Variants in PLD5 observed in about 807,000 individuals in gnomAD.
PLD5 encodes phospholipase D family member 5.
A neutral mutation model predicts 61.1 loss-of-function variants in PLD5; 36 were observed. That is an observed-to-expected ratio of 0.59 (90% confidence interval 0.45 to 0.78). The LOEUF (loss-of-function observed/expected upper bound fraction) is 0.78. PLD5 is among the 30% of genes least tolerant of loss of function. PLD5 has a pLI of 0.00. For synonymous variants in PLD5, 243 were observed against 242.8 expected (o/e 1.00, Z -0.01); for missense variants, 515 against 644.4 (o/e 0.80, Z 2.17).
intron 5 of PLD5, among the ~76,000 whole-genome samples, chr1:242,127,931 T>A (rs1345171960): frequency 6.6e-6 from 1 of 152,290 alleles, no homozygotes; most frequent in South Asian, 2.1e-4. Flanking sequence ...GTGGCCATAG[T>A]TCACTTTTAC....
At chr1:242,526,301 G>A (rs1020975742), upstream of PLD5, among the ~76,000 whole-genome samples, 8 of 152,240 alleles carry the variant, frequency 5.3e-5, no homozygotes, top group East Asian at 1.9e-4. Flanking sequence ...CGGGAGGATC[G>A]CTGAAGCCTG....
chr1:242,347,043 A>G (rs1322465988), intron 2 of PLD5, among the ~76,000 whole-genome samples: 2 of 152,242 alleles, frequency 1.3e-5, no homozygotes, highest in South Asian at 4.1e-4. Flanking sequence ...TGAAGGAAGA[A>G]AATCTAAAAT....
intron 1 of PLD5, among the ~76,000 whole-genome samples, chr1:242,394,499 T>G (rs1185192729): frequency 1.2e-5 from 1 of 84,352 alleles, no homozygotes; most frequent in Admixed American, 1.5e-4. Context: ...AACATATATA[T>G]GTGTATATAT....
At chr1:242,225,601 A>T (rs1467408705) in intron 4 of PLD5, among the ~76,000 whole-genome samples, 1 of 148,652 alleles carries the variant, frequency 6.7e-6, no homozygotes. Flanking sequence ...TCATGCTGTC[A>T]TGTGGAACAG....
intron 5 of PLD5, among the ~76,000 whole-genome samples, chr1:242,166,872 T>G (rs1666340864): frequency 1.3e-5 from 2 of 152,098 alleles, no homozygotes; most frequent in Admixed American, 1.3e-4. Context: ...AGTGATATAT[T>G]TTATGAGCCA....
intron 6 of PLD5, among the ~76,000 whole-genome samples, chr1:242,117,029 T>C (rs943015834): frequency 1.3e-5 from 2 of 152,192 alleles, no homozygotes; most frequent in Admixed American, 1.3e-4. Context: ...CTAGTGCTGC[T>C]TTCAGGGATG....
intron 5 of PLD5, among the ~76,000 whole-genome samples, chr1:242,127,048 A>G (rs1662845827): frequency 6.6e-6 from 1 of 152,362 alleles, no homozygotes; most frequent in Non-Finnish European, 1.5e-5. Flanking sequence ...AAACATATGA[A>G]AGAGTGCTCA....
intron 5 of PLD5, among the ~76,000 whole-genome samples, chr1:242,187,600 C>G (rs1667988385): frequency 6.6e-6 from 1 of 152,090 alleles, no homozygotes; most frequent in Non-Finnish European, 1.5e-5. Context: ...ATATTTAATG[C>G]CTGCATCATG....
Position 242,207,884 on chromosome 1 carries a change from A to ATACATATT in PLD5, c.735+12103_735+12104insAATATGTA. 7.0e-5 allele frequency among the ~76,000 whole-genome samples: 2 copies of ATACATATT among 28,610 alleles called. 1 individual carries two copies. Among genetic ancestry groups the ATACATATT allele is most frequent in the South Asian group, 2.4e-3 (2 of 824 alleles). The allele number at this position is 28,610 out of a possible 152,430, so 18.8% of individuals were successfully genotyped here. On this transcript the variant is annotated intron_variant, in intron 5 of 9. Coordinates refer to ENST00000536534, the MANE Select transcript of PLD5 (RefSeq NM_001372062.1). ...TTTATATATTTATATATATTTATAT[A>ATACATATT]TTTATATATATTTATATATTTATAT...
chr1:242,442,119 G>C (rs1666302935), intron 1 of PLD5, among the ~76,000 whole-genome samples: 1 of 152,186 alleles, frequency 6.6e-6, no homozygotes, highest in African/African-American at 2.4e-5. Flanking sequence ...AGTGTCTAGG[G>C]CATGGACTCG....
chr1:242,454,471 G>GA lies in PLD5; in HGVS notation c.189+69616dup, dbSNP rs1250445161. On this transcript the variant is annotated intron_variant, in intron 1 of 9. Transcript: ENST00000536534. ...TAGACTTAAATTGATGTTGGCAGAG[G>GA]AAAAAAAAAGAAAAAAATGAGGTCA... Among the ~76,000 whole-genome samples, 498 of 149,352 alleles carry GA rather than the reference G, an allele frequency of 3.3e-3. 4 individuals are homozygous for GA. The highest frequency in any genetic ancestry group is 0.011 in the African/African-American group (455 of 40,680).
At chr1:242,204,945 T>G in intron 5 of PLD5, among the ~76,000 whole-genome samples, 1 of 152,182 alleles carries the variant, frequency 6.6e-6, no homozygotes, top group Non-Finnish European at 1.5e-5. Context: ...TTCAGATGTA[T>G]AGTGCGTATG....
intron 1 of PLD5, among the ~76,000 whole-genome samples, chr1:242,394,312 GT>G (rs1663231729): frequency 1.3e-5 from 1 of 79,456 alleles, no homozygotes; most frequent in Admixed American, 1.7e-4. Context: ...GAGTATATAT[GT>G]GTGTATATAT....
chr1:242,105,202 ATTGT>A (rs997711156), intron 8 of PLD5, among the ~76,000 whole-genome samples: 7 of 148,908 alleles, frequency 4.7e-5, no homozygotes, highest in Admixed American at 2.0e-4. Context: ...GGGGAAATGA[ATTGT>A]TTGTACTGTG....
intron 3 of PLD5, among the ~76,000 whole-genome samples, chr1:242,275,063 A>ATG (rs150996246): frequency 0.022 from 3,308 of 152,140 alleles, 120 homozygotes; most frequent in African/African-American, 0.076. Flanking sequence ...ACATATATAT[A>ATG]TGTGTGTGTA....
intron 7 of PLD5, among the ~76,000 whole-genome samples, chr1:242,108,416 A>G (rs148718084): frequency 5.7e-4 from 87 of 152,270 alleles, no homozygotes; most frequent in African/African-American, 2.0e-3. Context: ...TTTCCCCAAC[A>G]GGCTTGGCCT....
At chr1:242,243,332 T>C (rs1191082964) in intron 4 of PLD5, among the ~76,000 whole-genome samples, 1 of 152,198 alleles carries the variant, frequency 6.6e-6, no homozygotes. Context: ...GAGGTGAATA[T>C]GACATTCTCA....
chr1:242,428,385 C>G (rs1665544589), intron 1 of PLD5, among the ~76,000 whole-genome samples: 2 of 152,170 alleles, frequency 1.3e-5, no homozygotes, highest in Admixed American at 1.3e-4. Flanking sequence ...CTCAACCACC[C>G]TTCCAATATT....
chr1:242,199,146 G>A (rs951199803), intron 5 of PLD5, among the ~76,000 whole-genome samples: 3 of 152,108 alleles, frequency 2.0e-5, no homozygotes, highest in African/African-American at 2.4e-5. Flanking sequence ...TTTATGTGGC[G>A]GTTGGAAAAT....
Sources: gnomAD v4.1 joint callset for allele counts (sites outside exome capture counted in the v4.1 genomes callset) on GRCh38, gnomAD v4.1.1 for gene constraint, MANE v1.5 for transcripts, NCBI Gene and HGNC (gene_info 2026-07-23, HGNC 2026-07-21) for gene names.